IGSF9B: variants seen among roughly 807,000 people sequenced by gnomAD.
The protein encoded by IGSF9B is immunoglobulin superfamily member 9B, also known as protein turtle homolog B.
In IGSF9B, 48 loss-of-function variants were observed where a neutral mutation model predicts 143.7. That is an observed-to-expected ratio of 0.33 (90% CI 0.26 to 0.42). IGSF9B has a LOEUF of 0.42. IGSF9B is among the 20% of genes least tolerant of loss of function. The pLI is 1.00. For synonymous variants in IGSF9B, 903 were observed against 833.1 expected, an observed-to-expected ratio of 1.08 and a Z score of -1.44; for missense variants, 1,706 against 1,980.0, an observed-to-expected ratio of 0.86 and a Z score of 2.63.
intron 18 of IGSF9B, among the ~76,000 whole-genome samples, chr11:133,917,599 G>A (rs1358097354): frequency 6.6e-6 from 1 of 152,156 alleles, no homozygotes; most frequent in Admixed American, 6.5e-5. Flanking sequence ...ACCAAGGTCA[G>A]GCTGCAGAAG....
Position 133,920,719 on chromosome 11 carries a change from G to A in IGSF9B, c.3006C>T (p.Pro1002=), listed in dbSNP as rs1283693892. 6 of 1,612,932 alleles carry A rather than the reference G, an allele frequency of 3.7e-6. No homozygotes were observed. The South Asian group carries it at 5.5e-5, about 15-fold the overall frequency. Residue 1002 remains proline, a synonymous_variant, in exon 18 of 20, where the codon CCC becomes CCT. Transcript: ENST00000533871. ...LSSVMSSPPL[P]TEGPFGHPTI... is the part of the protein sequence containing the mutation. ...TGGGGTGGCCAAAGGGCCCCTCGGT[G>A]GGCAGGGGCGGGGACGACATGACGG...
intron 19 of IGSF9B, among the ~76,000 whole-genome samples, chr11:133,911,664 T>A (rs757998304): frequency 6.6e-6 from 1 of 152,234 alleles, no homozygotes; most frequent in Non-Finnish European, 1.5e-5. Flanking sequence ...TTCCCTTATC[T>A]TTCTCGTTTT....
intron 3 of IGSF9B, among the ~76,000 whole-genome samples, chr11:133,943,586 CA>C (rs748013865): frequency 3.9e-5 from 6 of 152,170 alleles, no homozygotes; most frequent in Non-Finnish European, 7.3e-5. Context: ...TTATCCAGCA[CA>C]AGGCATTTAA....
chr11:133,940,906 C>G (rs539585157), intron 3 of IGSF9B, among the ~76,000 whole-genome samples: 29 of 152,332 alleles, frequency 1.9e-4, no homozygotes, highest in African/African-American at 6.5e-4. Flanking sequence ...ACTTGCAGGC[C>G]TCTTCTCACT....
Position 133,906,959 on chromosome 11 carries a change from G to A in IGSF9B, c.*2110C>T, listed in dbSNP as rs777576384. ...CCAAGTGAGCAGCACATCACGACGC[G>A]GGGGCAGAGGGTGTGCTACCTGGAA... On this transcript the variant is annotated 3_prime_UTR_variant, in exon 20 of 20. Transcript: ENST00000533871. Among the ~76,000 whole-genome samples the A allele has an allele frequency of 3.3e-5, 5 of 152,126 alleles. No homozygotes were observed. The highest frequency in any genetic ancestry group is 4.8e-5 in the African/African-American group (2 of 41,410).
chr11:133,952,171 G>A (rs1940172907), intron 1 of IGSF9B: 2 of 408,598 alleles, frequency 4.9e-6, no homozygotes, highest in African/African-American at 2.1e-5. Context: ...GAACAGAAAA[G>A]CAGGAAGATT....
chr11:133,918,816 G>A (rs1939445909), intron 18 of IGSF9B, among the ~76,000 whole-genome samples: 1 of 137,162 alleles, frequency 7.3e-6, no homozygotes, highest in Non-Finnish European at 1.7e-5. Context: ...GAGAGAGAGA[G>A]AGAGAAGAGG....
At chr11:133,951,933 C>G (rs1259572265) in intron 1 of IGSF9B, 2 of 379,730 alleles carry the variant, frequency 5.3e-6, no homozygotes, top group Admixed American at 5.7e-5. Context: ...AGTGACTCAC[C>G]TCGTACAGTC....
rs1939240881 is a variant in IGSF9B at position 133,908,214 on chromosome 11, C to T, written c.*855G>A. 6.6e-6 allele frequency among the ~76,000 whole-genome samples: 1 copy of T among 152,198 alleles called. No homozygotes were observed. The highest frequency in any genetic ancestry group is 1.5e-5 in the Non-Finnish European group (1 of 68,034). Reference sequence around the variant, plus strand: ...GCTGAGTTAGCCTCTACTCCTGCAGCGTGAGCCACGCTGGAAGGAAGAAAG... The same window carrying T: ...GCTGAGTTAGCCTCTACTCCTGCAGTGTGAGCCACGCTGGAAGGAAGAAAG... On this transcript the variant is annotated 3_prime_UTR_variant, in exon 20 of 20. Transcript: ENST00000533871.
chr11:133,912,018 C>T lies in IGSF9B; in HGVS notation c.3984-11G>A. 1.3e-6 allele frequency: 2 copies of T among 1,511,846 alleles called. No individual in the cohort carries two copies. The highest frequency in any genetic ancestry group is 2.5e-5 in the South Asian group (2 of 79,454). 93.7% of individuals were successfully genotyped at this position (1,511,846 alleles called of 1,614,324 possible). The stretch of plus-strand genomic sequence containing the variant: ...GCAGGTGGAAGTGTTCTGGAAAGGA[C>T]AACCAGAGAGCCACAATTCAGCTCC... On this transcript the variant is annotated splice_polypyrimidine_tract_variant and intron_variant, in intron 18 of 19. Coordinates refer to ENST00000533871, the MANE Select transcript of IGSF9B (RefSeq NM_001277285.4).
Position 133,900,021 on chromosome 11 carries a change from G to A in IGSF9B, c.*9048C>T, listed in dbSNP as rs1408157825. ...GGGGAGTGTTCTCAGCAGTTAATTT[G>A]AGGACCCAAGGACAGTGCCTGACTG... On this transcript the variant is annotated 3_prime_UTR_variant, in exon 20 of 20. Coordinates refer to ENST00000533871, the MANE Select transcript of IGSF9B (RefSeq NM_001277285.4). The A allele has an allele frequency of 6.6e-6, 1 of 152,256 alleles. No homozygotes were observed. The highest frequency in any genetic ancestry group is 1.5e-5 in the Non-Finnish European group (1 of 68,046). The allele number at this position is 152,256 out of a possible 1,614,324, so 9.4% of individuals were successfully genotyped here. A position where few individuals can be genotyped will look rare whatever the true frequency, so the allele number is the denominator to read the frequency against.
In IGSF9B at chr11:133,924,853, C is replaced by T. The variant is rs1939597085; in HGVS notation, c.2086G>A (p.Glu696Lys). The T allele has an allele frequency of 6.8e-6, 11 of 1,613,772 alleles. No individual in the cohort carries two copies. Among genetic ancestry groups the T allele is most frequent in the Non-Finnish European group, 8.5e-6 (10 of 1,179,818 alleles). The change falls in exon 15 of 20, where the codon GAG becomes AAG. Residue 696 changes from glutamate (E) to lysine (K), a missense_variant. Coordinates refer to ENST00000533871, the MANE Select transcript of IGSF9B (RefSeq NM_001277285.4). ...VLAVMQDLIS[E>K]PSNIAGVSST... ...GAGACGCCGGCGATGTTGCTGGGCTCGCTGATCAGATCCTGCATGACGGCC... is the reference window on the plus strand; with the variant it reads ...GAGACGCCGGCGATGTTGCTGGGCTTGCTGATCAGATCCTGCATGACGGCC...
chr11:133,903,329 G>C lies in IGSF9B; in HGVS notation c.*5740C>G, dbSNP rs928385639. ...CAACCAAGGACCAGTGACAGGAGCT[G>C]AGCATTTGAGCCACGGGGTTAAAAC... On this transcript the variant is annotated 3_prime_UTR_variant, in exon 20 of 20. Coordinates refer to ENST00000533871, the MANE Select transcript of IGSF9B (RefSeq NM_001277285.4). Among the ~76,000 whole-genome samples, 3 of 152,122 alleles carry C rather than the reference G, an allele frequency of 2.0e-5. No homozygotes were observed. Among genetic ancestry groups the C allele is most frequent in the African/African-American group, 7.2e-5 (3 of 41,406 alleles).
At position 133,931,647 on chromosome 11, in the gene IGSF9B, G is replaced by T. The variant is rs1274147987; in HGVS notation, c.1251+8C>A. 6.2e-7 allele frequency: 1 copy of T among 1,608,876 alleles called. No homozygotes were observed. Among genetic ancestry groups the T allele is most frequent in the Non-Finnish European group, 8.5e-7 (1 of 1,176,922 alleles). On this transcript the variant is annotated splice_region_variant and intron_variant, in intron 9 of 19. Transcript: ENST00000533871. The surrounding 1 kb of genome is among the most constrained non-coding windows in gnomAD (Gnocchi z 7.7). ...CTCATGGAGGCCGTCACAGCCCTGGGACCTCACCTTCAGGACAAGCCTCGC... is the reference window on the plus strand; with the variant it reads ...CTCATGGAGGCCGTCACAGCCCTGGTACCTCACCTTCAGGACAAGCCTCGC...
intron 1 of IGSF9B, among the ~76,000 whole-genome samples, chr11:133,947,462 C>T (rs1377590706): frequency 6.6e-6 from 1 of 152,246 alleles, no homozygotes; most frequent in Non-Finnish European, 1.5e-5. Context: ...GCACCTAGGA[C>T]AGCAGCTGCA....
Position 133,937,831 on chromosome 11 carries a change from G to A in IGSF9B, c.540C>T (p.Leu180=), listed in dbSNP as rs141898147. ...IVTWLKEGTL[L]GASGKYQVSD... ...TCACCTGGTATTTCCCACTAGCACC[G>A]AGGAGCGTCCCCTCCTTGAGCCAGG... is the stretch of plus-strand genomic sequence containing the variant. The change falls in exon 4 of 20, where the codon CTC becomes CTT. Residue 180 remains leucine, a synonymous_variant. Transcript: ENST00000533871. 2,929 of 1,610,264 alleles carry A rather than the reference G, an allele frequency of 1.8e-3. 2 individuals are homozygous for A. Among genetic ancestry groups the A allele is most frequent in the Non-Finnish European group, 2.2e-3 (2,552 of 1,178,162 alleles).
At chr11:133,912,089 G>T in intron 18 of IGSF9B, 82 bp from the exon 19 acceptor site, 1 of 1,446,270 alleles carries the variant, frequency 6.9e-7, no homozygotes, top group Non-Finnish European at 9.1e-7. Context: ...AAGCCAAGTA[G>T]CTGACCCACA....
intron 18 of IGSF9B, 86 bp from the exon 19 acceptor site, chr11:133,912,093 AC>A: frequency 6.9e-7 from 1 of 1,441,006 alleles, no homozygotes; most frequent in Non-Finnish European, 9.2e-7. Context: ...CAAGTAGCTG[AC>A]CCACAGAAGG....
intron 18 of IGSF9B, among the ~76,000 whole-genome samples, chr11:133,915,784 G>T (rs977555791): frequency 1.3e-5 from 2 of 152,246 alleles, no homozygotes; most frequent in African/African-American, 4.8e-5. Context: ...ACAGGCTGAA[G>T]CAGTGGCTTG....
Sources: gnomAD v4.1 joint callset for allele counts (sites outside exome capture counted in the v4.1 genomes callset) on GRCh38, gnomAD v4.1.1 for gene constraint, Gnocchi (gnomAD v3.1) non-coding constraint, MANE v1.5 for transcripts, NCBI Gene and HGNC (gene_info 2026-07-23, HGNC 2026-07-21) for gene names.